The following CLIC6 variants were observed in gnomAD, a reference collection of about 807,000 sequenced individuals.
The protein encoded by CLIC6 is chloride intracellular channel protein 6.
In CLIC6, 39 loss-of-function variants were observed where a neutral mutation model predicts 49.2. That is an observed-to-expected ratio of 0.79 (90% CI 0.61 to 1.04). The LOEUF (loss-of-function observed/expected upper bound fraction) is 1.04, where lower values mean the gene tolerates loss of function less well. Among genes scored for constraint, CLIC6 ranks in the 50% least tolerant of loss-of-function variants. CLIC6 has a pLI of 0.00. For synonymous variants in CLIC6, 446 were observed against 433.4 expected, an observed-to-expected ratio of 1.03 and a Z score of -0.36; for missense variants, 988 against 993.1, an observed-to-expected ratio of 0.99 and a Z score of 0.07.
chr21:34,714,697 A>C (rs373290681), intron 5 of CLIC6, among the ~76,000 whole-genome samples: 169 of 124,264 alleles, frequency 1.4e-3, no homozygotes, highest in Admixed American at 3.6e-3. Flanking sequence ...AAAAACAAAA[A>C]AAAAAAAAAA....
chr21:34,697,094 C>T lies in CLIC6; in HGVS notation c.1375-10186C>T, dbSNP rs370897865. Among the ~76,000 whole-genome samples, 5 of 152,068 alleles carry T rather than the reference C, an allele frequency of 3.3e-5. No individual in the cohort carries two copies. In the East Asian group the frequency reaches 5.8e-4, roughly 18 times the overall value. ...TAGAGGATCAAAGAGAAATTGCAGC[C>T]TTTGTTGAGAGTGATTTAGAGATTC... On this transcript the variant is annotated intron_variant, in intron 1 of 5. Transcript: ENST00000349499.
chr21:34,712,436 C>T lies in CLIC6; in HGVS notation c.1899+2898C>T, dbSNP rs113454106. Among the ~76,000 whole-genome samples the T allele has an allele frequency of 7.2e-5, 11 of 152,234 alleles. 1 individual carries two copies. The highest frequency in any genetic ancestry group is 1.4e-4 in the African/African-American group (6 of 41,534). On this transcript the variant is annotated intron_variant, in intron 5 of 5. Transcript: ENST00000349499. ...GCCACAGAACCATTACATGTTTCTC[C>T]GTATCTTTAGCAAAGTTCAGATTTC...
rs73359006 is a variant in CLIC6, at chr21:34,678,543, A to T, written c.1374+7781A>T. On this transcript the variant is annotated intron_variant, in intron 1 of 5. Transcript: ENST00000349499. Reference sequence around the variant, plus strand: ...AAAATTGGAGTTCGATTTAGAAGGAAAAAGGATAACTGTTGTAGAAGAAAG... The same window carrying T: ...AAAATTGGAGTTCGATTTAGAAGGATAAAGGATAACTGTTGTAGAAGAAAG... Among the ~76,000 whole-genome samples the T allele has an allele frequency of 4.6e-3, 697 of 152,326 alleles. 3 individuals are homozygous for T. The highest frequency in any genetic ancestry group is 0.016 in the African/African-American group (662 of 41,578).
In CLIC6 at chr21:34,669,522, A is replaced by AGGGCGCAGAGGAGGCGCCGAG. The variant is rs1282642473; in HGVS notation, c.141_161dup (p.Glu48_Ala54dup). The stretch of plus-strand genomic sequence containing the variant: ...GAGGCAGAAGGGCCGGAGGGGAGCG[A>AGGGCGCAGAGGAGGCGCCGAG]GGGCGCAGAGGAGGCGCCGAGGGGC... On this transcript the variant is annotated inframe_insertion, in exon 1 of 6. Transcript: ENST00000349499. The AGGGCGCAGAGGAGGCGCCGAG allele has an allele frequency of 6.5e-6, 8 of 1,238,830 alleles. No individual in the cohort carries two copies. Among genetic ancestry groups the AGGGCGCAGAGGAGGCGCCGAG allele is most frequent in the Non-Finnish European group, 8.1e-6 (8 of 992,934 alleles). 76.7% of individuals were successfully genotyped at this position (1,238,830 alleles called of 1,614,324 possible). A position where few individuals can be genotyped will look rare whatever the true frequency, so the allele number is the denominator to read the frequency against.
chr21:34,675,175 G>A (rs529418357), intron 1 of CLIC6, among the ~76,000 whole-genome samples: 3 of 149,618 alleles, frequency 2.0e-5, no homozygotes, highest in African/African-American at 7.4e-5. Context: ...AAACTGACCC[G>A]ATGAAACACA....
At chr21:34,682,801 ATTTTTTTTTT>A (rs1172251761) in intron 1 of CLIC6, among the ~76,000 whole-genome samples, 8 of 69,272 alleles carry the variant, frequency 1.2e-4, no homozygotes, top group African/African-American at 2.6e-4. Flanking sequence ...CTTTCCCTCC[ATTTTTTTTTT>A]TTTTTTTTTT....
chr21:34,717,790 C>T lies in CLIC6; in HGVS notation c.*1308C>T, dbSNP rs1304913351. ...AGTTGGTTGTGGTATGTGTTTGATGCTATAAAGCTCATTTTTAATGTGTAC... is the reference window on the plus strand; with the variant it reads ...AGTTGGTTGTGGTATGTGTTTGATGTTATAAAGCTCATTTTTAATGTGTAC... On this transcript the variant is annotated 3_prime_UTR_variant, in exon 6 of 6. Transcript: ENST00000349499. The T allele has an allele frequency of 1.3e-5, 2 of 152,152 alleles. No homozygotes were observed. The highest frequency in any genetic ancestry group is 1.3e-4 in the Admixed American group (2 of 15,284). 9.4% of individuals were successfully genotyped at this position (152,152 alleles called of 1,614,324 possible).
chr21:34,698,375 A>G (rs984307239), intron 1 of CLIC6, among the ~76,000 whole-genome samples: 1 of 151,306 alleles, frequency 6.6e-6, no homozygotes, highest in Non-Finnish European at 1.5e-5. Flanking sequence ...AAGGAAGGAC[A>G]GAAGGAAGGA....
At chr21:34,715,368 T>C (rs2056080160) in intron 5 of CLIC6, among the ~76,000 whole-genome samples, 1 of 152,092 alleles carries the variant, frequency 6.6e-6, no homozygotes. Context: ...GCCAGTATCG[T>C]TGCAAACTGG....
rs1160911784 is a variant in CLIC6, at chr21:34,670,432, G to A, written c.1044G>A (p.Gly348=). The change falls in exon 1 of 6, where the codon GGG becomes GGA. Residue 348 remains glycine (G), a synonymous_variant. Transcript: ENST00000349499. The part of the protein sequence containing the change: ...GVKGSEEAAP[G]DARADAGEDR... ...AGGGGTCCGAAGAAGCGGCCCCCGG[G>A]GACGCAAGGGCAGACGCTGGCGAGG... 6.8e-7 allele frequency: 1 copy of A among 1,462,710 alleles called. No homozygotes were observed. Among genetic ancestry groups the A allele is most frequent in the Non-Finnish European group, 9.0e-7 (1 of 1,108,006 alleles). The allele number at this position is 1,462,710 out of a possible 1,614,324, so 90.6% of individuals were successfully genotyped here.
intron 1 of CLIC6, among the ~76,000 whole-genome samples, chr21:34,677,536 T>G (rs1025461801): frequency 6.6e-6 from 1 of 152,208 alleles, no homozygotes; most frequent in Non-Finnish European, 1.5e-5. Flanking sequence ...CTTACCCATG[T>G]CATCAAGGGC....
chr21:34,683,542 G>C (rs1161656855), intron 1 of CLIC6, among the ~76,000 whole-genome samples: 1 of 152,144 alleles, frequency 6.6e-6, no homozygotes, highest in Non-Finnish European at 1.5e-5. Context: ...GATATGGTTT[G>C]GCTCTTTGTC....
chr21:34,687,236 T>C (rs536908625), intron 1 of CLIC6, among the ~76,000 whole-genome samples: 1 of 152,274 alleles, frequency 6.6e-6, no homozygotes, highest in Admixed American at 6.5e-5. Context: ...GTTCTTCCAT[T>C]TGGTGCCTGC....
chr21:34,677,890 C>T (rs1219121154), intron 1 of CLIC6, among the ~76,000 whole-genome samples: 2 of 152,124 alleles, frequency 1.3e-5, no homozygotes, highest in Non-Finnish European at 2.9e-5. Context: ...TGTACACCTA[C>T]AACCTAAGAA....
rs1268382621 is a variant in CLIC6, at chr21:34,669,916, G to A, written c.528G>A (p.Ala176=). 3.0e-6 allele frequency: 4 copies of A among 1,318,052 alleles called. No individual in the cohort carries two copies. Among genetic ancestry groups the A allele is most frequent in the Admixed American group, 3.6e-5 (1 of 27,698 alleles). 81.6% of individuals were successfully genotyped at this position (1,318,052 alleles called of 1,614,324 possible). ...LGDNIEAEGP[A]GDSVEAEGRV... Reference sequence around the variant, plus strand: ...ACAACATAGAAGCGGAGGGCCCGGCGGGCGACAGCGTAGAGGCGGAGGGCC... The same window carrying A: ...ACAACATAGAAGCGGAGGGCCCGGCAGGCGACAGCGTAGAGGCGGAGGGCC... The change falls in exon 1 of 6, where the codon GCG becomes GCA. Residue 176 remains alanine, a synonymous_variant. Transcript: ENST00000349499.
At chr21:34,707,206 CA>C in intron 1 of CLIC6, 73 bp from the exon 2 acceptor site, 1 of 1,086,776 alleles carries the variant, frequency 9.2e-7, no homozygotes, top group Non-Finnish European at 1.4e-6. Context: ...AATGATTTTG[CA>C]TGTGCATGTT....
intron 1 of CLIC6, among the ~76,000 whole-genome samples, chr21:34,694,329 C>T (rs1413090196): frequency 1.3e-5 from 2 of 151,084 alleles, no homozygotes; most frequent in African/African-American, 2.4e-5. Context: ...GACAGGGTCT[C>T]GCTCTGTTGC....
chr21:34,669,628 C>G lies in CLIC6; in HGVS notation c.240C>G (p.His80Gln). 2 of 1,285,802 alleles carry G rather than the reference C, an allele frequency of 1.6e-6. No homozygotes were observed. The highest frequency in any genetic ancestry group is 5.1e-5 in the South Asian group (2 of 39,198). The allele number at this position is 1,285,802 out of a possible 1,614,324, so 79.6% of individuals were successfully genotyped here. Residue 80 changes from histidine to glutamine, a missense_variant, in exon 1 of 6, where the codon CAC (histidine) becomes CAG (glutamine). This residue lies in a region of CLIC6 where 284 missense variants were observed against 278.6 expected (regional missense o/e 1.02). Transcript: ENST00000349499. ...AGGCGCGGGGCACGAGGGGGGCGCA[C>G]GGCGAGACTGAGGCCGAGGAGGGAG... ...EAEARGTRGA[H>Q]GETEAEEGAP...
At chr21:34,715,709 G>C (rs1043781958) in intron 5 of CLIC6, among the ~76,000 whole-genome samples, 37 of 152,268 alleles carry the variant, frequency 2.4e-4, no homozygotes, top group Admixed American at 9.8e-4. Flanking sequence ...TGTTTCTCTT[G>C]GTGCTGTCTC....
Sources: gnomAD v4.1 joint callset for allele counts (sites outside exome capture counted in the v4.1 genomes callset) on GRCh38, gnomAD v4.1.1 for gene constraint, gnomAD v4.1.1 regional missense constraint, MANE v1.5 for transcripts, NCBI Gene and HGNC (gene_info 2026-07-23, HGNC 2026-07-21) for gene names.